The following SKAP2 variants were observed in gnomAD, a reference collection of about 807,000 sequenced individuals.
SKAP2 encodes src kinase-associated phosphoprotein 2.
SKAP2 carries 28 observed loss-of-function variants against 54.9 expected under a neutral mutation model. The observed-to-expected ratio is 0.51, with a 90% CI of 0.38 to 0.70. SKAP2 has a LOEUF of 0.70. Ranked by LOEUF, SKAP2 falls within the 30% of genes least tolerant of loss-of-function variation. SKAP2 has a pLI of 0.00. For synonymous variants in SKAP2, 137 were observed against 134.3 expected, an observed-to-expected ratio of 1.02 and a Z score of -0.14; for missense variants, 356 against 424.1, an observed-to-expected ratio of 0.84 and a Z score of 1.41.
downstream of SKAP2, among the ~76,000 whole-genome samples, chr7:26,662,887 C>G (rs757129): frequency 0.65 from 99,065 of 151,866 alleles, 33,287 homozygotes; most frequent in African/African-American, 0.8. Flanking sequence ...ACATCTCATG[C>G]CTCATATGAC....
chr7:26,740,567 T>C (rs1272544796), intron 4 of SKAP2, among the ~76,000 whole-genome samples: 1 of 152,082 alleles, frequency 6.6e-6, no homozygotes, highest in African/African-American at 2.4e-5. Flanking sequence ...AAATACTGGA[T>C]CCCTAAAAAA....
At chr7:26,804,663 C>A (rs534859369) in intron 4 of SKAP2, among the ~76,000 whole-genome samples, 1 of 150,046 alleles carries the variant, frequency 6.7e-6, no homozygotes, top group South Asian at 2.1e-4. Flanking sequence ...CACTTGAACC[C>A]GGGAGGCGGA....
intron 4 of SKAP2, among the ~76,000 whole-genome samples, chr7:26,774,714 A>G (rs1375501117): frequency 6.6e-6 from 1 of 152,182 alleles, no homozygotes; most frequent in Non-Finnish European, 1.5e-5. Context: ...TTTGGATTTC[A>G]AGATACACTA....
chr7:26,725,850 A>T, intron 8 of SKAP2, 73 bp downstream of exon 8: 2 of 1,227,016 alleles, frequency 1.6e-6, no homozygotes, highest in East Asian at 4.7e-5. Flanking sequence ...AAGCTTTTGT[A>T]TATGAAAACC....
chr7:26,683,262 A>T (rs1376904552), intron 11 of SKAP2, among the ~76,000 whole-genome samples: 1 of 152,218 alleles, frequency 6.6e-6, no homozygotes, highest in Non-Finnish European at 1.5e-5. Context: ...TTAACCAAAA[A>T]GCTGTTATCT....
At chr7:26,792,610 G>T (rs978543569) in intron 4 of SKAP2, among the ~76,000 whole-genome samples, 2 of 152,062 alleles carry the variant, frequency 1.3e-5, no homozygotes, top group African/African-American at 4.8e-5. Context: ...TTAAAAAGAA[G>T]ATTACTTTTC....
At chr7:26,787,324 T>C (rs1414940105) in intron 4 of SKAP2, among the ~76,000 whole-genome samples, 1 of 151,712 alleles carries the variant, frequency 6.6e-6, no homozygotes, top group Non-Finnish European at 1.5e-5. Context: ...CAAGATGGTT[T>C]TTTTTTTTTC....
At chr7:26,696,511 AG>A (rs1201804468) in intron 9 of SKAP2, among the ~76,000 whole-genome samples, 1 of 152,188 alleles carries the variant, frequency 6.6e-6, no homozygotes, top group African/African-American at 2.4e-5. Context: ...CAGATTTCTC[AG>A]GGGAAAAAAT....
At chr7:26,757,654 C>T (rs1391032639) in intron 4 of SKAP2, among the ~76,000 whole-genome samples, 3 of 152,088 alleles carry the variant, frequency 2.0e-5, no homozygotes, top group Non-Finnish European at 4.4e-5. Flanking sequence ...CTTGGCAATG[C>T]GGGCTCTTTT....
chr7:26,820,607 A>C (rs1375497379), intron 4 of SKAP2, among the ~76,000 whole-genome samples: 4 of 152,230 alleles, frequency 2.6e-5, no homozygotes, highest in African/African-American at 9.6e-5. Context: ...CAAATAAAAA[A>C]GATCACAGAA....
chr7:26,854,226 C>T, intron 2 of SKAP2, 64 bp from the exon 3 acceptor site: 1 of 1,063,496 alleles, frequency 9.4e-7, no homozygotes, highest in Non-Finnish European at 1.4e-6. Flanking sequence ...TAATCAGTAA[C>T]AATAATTAAA....
intron 9 of SKAP2, among the ~76,000 whole-genome samples, chr7:26,723,400 A>G (rs1371101855): frequency 2.0e-5 from 3 of 152,144 alleles, no homozygotes; most frequent in Non-Finnish European, 4.4e-5. Context: ...TGCAGGCTCC[A>G]TCAAGCTCGA....
At chr7:26,768,769 T>C (rs981206751) in intron 4 of SKAP2, among the ~76,000 whole-genome samples, 17 of 152,234 alleles carry the variant, frequency 1.1e-4, no homozygotes, top group African/African-American at 3.9e-4. Flanking sequence ...TCTTTAAGAA[T>C]GTTGAATATT....
chr7:26,703,685 G>C (rs1787096376), intron 9 of SKAP2, among the ~76,000 whole-genome samples: 1 of 152,070 alleles, frequency 6.6e-6, no homozygotes, highest in African/African-American at 2.4e-5. Context: ...ATAAGGTAAA[G>C]TGGTCAACAC....
At chr7:26,724,889 T>C (rs868587494) in intron 9 of SKAP2, among the ~76,000 whole-genome samples, 1 of 152,146 alleles carries the variant, frequency 6.6e-6, no homozygotes, top group Non-Finnish European at 1.5e-5. Context: ...TTTTATTCCA[T>C]ATTGATGCTA....
intron 4 of SKAP2, among the ~76,000 whole-genome samples, chr7:26,769,501 G>T (rs1265297335): frequency 6.6e-6 from 1 of 152,128 alleles, no homozygotes; most frequent in African/African-American, 2.4e-5. Context: ...TCCCTTGCTG[G>T]CAAGGAGTTG....
chr7:26,718,272 C>T (rs1787504256), intron 9 of SKAP2, among the ~76,000 whole-genome samples: 1 of 150,974 alleles, frequency 6.6e-6, no homozygotes, highest in Admixed American at 6.6e-5. Flanking sequence ...AAAATAAAAG[C>T]ATGAGAAAGG....
intron 4 of SKAP2, among the ~76,000 whole-genome samples, chr7:26,765,250 A>C (rs975818602): frequency 1.3e-5 from 2 of 152,084 alleles, no homozygotes; most frequent in African/African-American, 2.4e-5. Context: ...GCTTTCCTTC[A>C]TATGTTTTTT....
At chr7:26,838,257 C>G (rs1466944134) in intron 4 of SKAP2, among the ~76,000 whole-genome samples, 1 of 152,058 alleles carries the variant, frequency 6.6e-6, no homozygotes, top group Non-Finnish European at 1.5e-5. Context: ...TGGCATTCAG[C>G]TCCTACTATA....
Sources: allele counts gnomAD v4.1 joint callset (sites outside exome capture counted in the v4.1 genomes callset), GRCh38; gene constraint gnomAD v4.1.1; transcripts MANE v1.5; gene names NCBI Gene and HGNC (gene_info 2026-07-23, HGNC 2026-07-21).